Variants in FMNL2 observed in about 807,000 individuals in gnomAD.
FMNL2 encodes the protein formin-like protein 2.
FMNL2 carries 51 observed loss-of-function variants against 130.2 expected under a neutral mutation model. That is an observed-to-expected ratio of 0.39 (90% CI 0.31 to 0.49). FMNL2 has a LOEUF of 0.49. Ranked by LOEUF, FMNL2 falls within the 20% of genes least tolerant of loss-of-function variation. FMNL2 has a pLI of 0.85. For missense variants in FMNL2, 977 were observed against 1,316.2 expected, an observed-to-expected ratio of 0.74 and a Z score of 3.99; for synonymous variants, 465 against 467.1, an observed-to-expected ratio of 1.00 and a Z score of 0.06.
chr2:152,625,253 A>T, intron 15 of FMNL2, 185 bp from the exon 16 acceptor site: 2 of 542,716 alleles, frequency 3.7e-6, no homozygotes, highest in South Asian at 9.3e-5. Context: ...CAACCAAATG[A>T]TGACCTCAAA....
chr2:152,408,970 A>G lies in FMNL2; in HGVS notation c.117+73250A>G, dbSNP rs1014664851. ...TGCAGTGCATTGATTTCTAAAGTCA[A>G]TCCTTAGCAGATACTTTAAAACAAC... On this transcript the variant is annotated intron_variant, in intron 1 of 25. Coordinates refer to ENST00000288670, the MANE Select transcript of FMNL2 (RefSeq NM_052905.4). 4.6e-5 allele frequency among the ~76,000 whole-genome samples: 7 copies of G among 152,338 alleles called. No homozygotes were observed. The East Asian group carries it at 7.7e-4, about 17-fold the overall frequency.
At chr2:152,631,392 CA>C (rs33966314) in intron 20 of FMNL2, among the ~76,000 whole-genome samples, 29,718 of 76,014 alleles carry the variant, frequency 0.39, 2,439 homozygotes, top group East Asian at 0.62. Flanking sequence ...GACTCCATCT[CA>C]AAAAAAAAAA....
chr2:152,592,505 G>A (rs560388549), intron 9 of FMNL2, among the ~76,000 whole-genome samples: 184 of 152,224 alleles, frequency 1.2e-3, no homozygotes, highest in Non-Finnish European at 1.8e-3. Flanking sequence ...GCAGAGTTCA[G>A]AATCAATTCC....
intron 1 of FMNL2, chr2:152,390,285 G>A (rs960283630): frequency 1.5e-6 from 2 of 1,360,618 alleles, no homozygotes; most frequent in Non-Finnish European, 2.1e-6. Flanking sequence ...GGGGCAGCCA[G>A]CAATCATCGA....
At chr2:152,526,223 C>G (rs1228250383) in intron 2 of FMNL2, among the ~76,000 whole-genome samples, 3 of 152,100 alleles carry the variant, frequency 2.0e-5, no homozygotes, top group Non-Finnish European at 4.4e-5. Context: ...CTTGGAGCAC[C>G]AGGGGTGCTA....
chr2:152,385,435 A>G (rs1483060158), intron 1 of FMNL2, among the ~76,000 whole-genome samples: 1 of 152,250 alleles, frequency 6.6e-6, no homozygotes, highest in Non-Finnish European at 1.5e-5. Flanking sequence ...TTTAAAAGGC[A>G]AAATATAAAA....
chr2:152,341,983 T>G (rs6742846), intron 1 of FMNL2, among the ~76,000 whole-genome samples: 7,962 of 152,272 alleles, frequency 0.052, 622 homozygotes, highest in African/African-American at 0.17. Context: ...TTGCCCTCTT[T>G]GAGGTGAGTC....
At chr2:152,628,271 A>G (rs773162352) in intron 17 of FMNL2, 28 bp from the exon 18 acceptor site, 1 of 1,602,222 alleles carries the variant, frequency 6.2e-7, no homozygotes, top group Non-Finnish European at 8.6e-7. Context: ...TTTCTCTCTA[A>G]TGCTAATCTC....
At chr2:152,349,336 A>T (rs1579447577) in intron 1 of FMNL2, among the ~76,000 whole-genome samples, 1 of 152,200 alleles carries the variant, frequency 6.6e-6, no homozygotes, top group African/African-American at 2.4e-5. Flanking sequence ...GTTGATGCTC[A>T]TGACAACTTT....
At chr2:152,514,839 C>T (rs754691135) in intron 1 of FMNL2, among the ~76,000 whole-genome samples, 1 of 152,038 alleles carries the variant, frequency 6.6e-6, no homozygotes, top group East Asian at 1.9e-4. Context: ...ACTGAAATAG[C>T]GAAATAACAG....
intron 2 of FMNL2, among the ~76,000 whole-genome samples, chr2:152,538,109 T>A (rs529008287): frequency 1.3e-5 from 2 of 152,306 alleles, no homozygotes; most frequent in African/African-American, 4.8e-5. Flanking sequence ...AAGTTAATTG[T>A]ATTTGAAATA....
At chr2:152,350,339 G>C (rs1374046955) in intron 1 of FMNL2, among the ~76,000 whole-genome samples, 1 of 152,176 alleles carries the variant, frequency 6.6e-6, no homozygotes, top group Non-Finnish European at 1.5e-5. Context: ...ACAGCCTCAA[G>C]GTGGAGGCTC....
At chr2:152,509,373 A>G (rs935134987) in intron 1 of FMNL2, among the ~76,000 whole-genome samples, 1 of 152,068 alleles carries the variant, frequency 6.6e-6, no homozygotes, top group African/African-American at 2.4e-5. Flanking sequence ...TGTACCACAC[A>G]TCAGAATTAA....
At position 152,636,584 on chromosome 2, in the gene FMNL2, C is replaced by T. The variant is rs781229566; in HGVS notation, c.2838C>T (p.Ile946=). 12 of 1,558,712 alleles carry T rather than the reference C, an allele frequency of 7.7e-6. No homozygotes were observed. The highest frequency in any genetic ancestry group is 5.4e-5 in the African/African-American group (4 of 73,524). Residue 946 remains isoleucine (I), a synonymous_variant, in exon 22 of 26, where the codon ATC becomes ATT. Coordinates refer to ENST00000288670, the MANE Select transcript of FMNL2 (RefSeq NM_052905.4). ...AGAAGCTGCAGGATGATGCCAAGAT[C>T]GCACAGGCAAGTATTGGTGCCCCTG... The part of the protein sequence containing the change: ...KLKKLQDDAK[I]AQDAFDDVVK...
Position 152,640,030 on chromosome 2 carries a change from G to A in FMNL2, c.3019G>A (p.Ala1007Thr). Residue 1007 changes from alanine to threonine, a missense_variant, in exon 24 of 26, where the codon GCT becomes ACT. Transcript: ENST00000288670. ...ALMEKLLEQE[A>T]LMEQQDPKSP... ...CATGGAAAAACTCCTAGAGCAAGAAGCTCTGATGGAGCAGCAGGATCCAAA... is the reference window on the plus strand; with the variant it reads ...CATGGAAAAACTCCTAGAGCAAGAAACTCTGATGGAGCAGCAGGATCCAAA... 1.3e-6 allele frequency: 2 copies of A among 1,555,220 alleles called. No homozygotes were observed. Among genetic ancestry groups the A allele is most frequent in the Non-Finnish European group, 1.7e-6 (2 of 1,149,460 alleles).
intron 1 of FMNL2, among the ~76,000 whole-genome samples, chr2:152,344,829 A>G (rs776478241): frequency 4.9e-4 from 75 of 152,320 alleles, no homozygotes; most frequent in Non-Finnish European, 3.2e-4. Context: ...ATTCAAATAT[A>G]CTTGTGAAAT....
At chr2:152,373,871 TA>T (rs140477254) in intron 1 of FMNL2, among the ~76,000 whole-genome samples, 3 of 152,262 alleles carry the variant, frequency 2.0e-5, no homozygotes, top group East Asian at 1.9e-4. Context: ...AATTTATTAC[TA>T]TTTTTTTTTT....
chr2:152,337,208 A>C (rs1327462257), intron 1 of FMNL2, among the ~76,000 whole-genome samples: 1 of 152,186 alleles, frequency 6.6e-6, no homozygotes. Flanking sequence ...TGGGACACTG[A>C]AATGAAACGG....
chr2:152,606,762 A>G (rs537131872), intron 9 of FMNL2, among the ~76,000 whole-genome samples: 2 of 151,130 alleles, frequency 1.3e-5, no homozygotes, highest in Admixed American at 6.6e-5. Flanking sequence ...AGCTGAATGC[A>G]TATGTTTCAG....
Sources: gnomAD v4.1 joint callset for allele counts (sites outside exome capture counted in the v4.1 genomes callset) on GRCh38, gnomAD v4.1.1 for gene constraint, MANE v1.5 for transcripts, NCBI Gene and HGNC (gene_info 2026-07-23, HGNC 2026-07-21) for gene names.